Variants in PRDM1 observed in about 807,000 individuals in gnomAD.
The protein encoded by PRDM1 is PR/SET domain 1.
PRDM1 carries 13 observed loss-of-function variants against 62.8 expected under a neutral mutation model. That is an observed-to-expected ratio of 0.21 (90% confidence interval 0.13 to 0.33). The LOEUF is 0.33. Ranked by LOEUF, PRDM1 falls within the 10% of genes least tolerant of loss-of-function variation. The pLI is 1.00. For missense variants in PRDM1, 895 were observed against 1,058.8 expected (o/e 0.85, Z 2.15); for synonymous variants, 396 against 417.6 (o/e 0.95, Z 0.63).
chr6:106,041,893 C>A (rs1319416776), intron 1 of PRDM1, among the ~76,000 whole-genome samples: 1 of 150,728 alleles, frequency 6.6e-6, no homozygotes, highest in Non-Finnish European at 1.5e-5. Flanking sequence ...CTGCATCCTC[C>A]ACCTCCTGGG....
rs548379828 is a variant in PRDM1, at chr6:106,041,191, C to T, written c.-66-47010C>T. 2.0e-5 allele frequency among the ~76,000 whole-genome samples: 3 copies of T among 149,884 alleles called. No homozygotes were observed. In the South Asian group the frequency reaches 6.4e-4, roughly 32 times the overall value. On this transcript the variant is annotated intron_variant, in intron 1 of 6. Coordinates refer to the PRDM1 transcript ENST00000652320. The stretch of plus-strand genomic sequence containing the variant: ...TGAGCTGGCATTACTATTAATATTA[C>T]TGTATGTCTCTCTGTTACTTTTCAT...
At chr6:106,031,995 A>G (rs987235540) in intron 1 of PRDM1, among the ~76,000 whole-genome samples, 1 of 152,042 alleles carries the variant, frequency 6.6e-6, no homozygotes, top group African/African-American at 2.4e-5. Context: ...TTCCTGAGGC[A>G]TTTTCTCTGC....
chr6:106,052,396 G>A (rs1773191034), intron 1 of PRDM1, among the ~76,000 whole-genome samples: 1 of 151,922 alleles, frequency 6.6e-6, no homozygotes, highest in Non-Finnish European at 1.5e-5. Context: ...TTAAAGGTAT[G>A]GTCGTCTTGA....
At chr6:106,060,910 C>T (rs1333009370) in intron 1 of PRDM1, among the ~76,000 whole-genome samples, 3 of 152,006 alleles carry the variant, frequency 2.0e-5, no homozygotes, top group Non-Finnish European at 4.4e-5. Flanking sequence ...AGTCTTCCGT[C>T]ATCAAGGGGG....
intron 1 of PRDM1, among the ~76,000 whole-genome samples, chr6:106,027,166 T>A (rs1381548265): frequency 6.6e-6 from 1 of 152,256 alleles, no homozygotes; most frequent in African/African-American, 2.4e-5. Flanking sequence ...ATTCCTACTT[T>A]GTTTAAAATT....
At chr6:106,011,585 G>A (rs1772549301) in intron 1 of PRDM1, among the ~76,000 whole-genome samples, 7 of 152,026 alleles carry the variant, frequency 4.6e-5, no homozygotes, top group Admixed American at 4.6e-4. Context: ...CCAGACAAGT[G>A]GGTGAGAACC....
intron 1 of PRDM1, among the ~76,000 whole-genome samples, chr6:106,010,115 C>T (rs149773635): frequency 3.9e-4 from 60 of 152,274 alleles, no homozygotes; most frequent in African/African-American, 1.4e-3. Context: ...GCCCAGTTCC[C>T]CTCTCTGCAG....
chr6:106,069,099 C>T (rs1773474979), intron 1 of PRDM1, among the ~76,000 whole-genome samples: 1 of 152,116 alleles, frequency 6.6e-6, no homozygotes, highest in Admixed American at 6.6e-5. Context: ...TTTGCCTCTC[C>T]TGTAAAATAA....
At chr6:106,041,941 C>T (rs1307952038) in intron 1 of PRDM1, among the ~76,000 whole-genome samples, 1 of 150,574 alleles carries the variant, frequency 6.6e-6, no homozygotes, top group Non-Finnish European at 1.5e-5. Flanking sequence ...CCAGGTAGCT[C>T]AGACCACAGG....
intron 1 of PRDM1, among the ~76,000 whole-genome samples, chr6:106,038,680 G>A (rs539937392): frequency 6.6e-6 from 1 of 152,294 alleles, no homozygotes; most frequent in East Asian, 1.9e-4. Flanking sequence ...AATCGTTGGA[G>A]GATAGAGTCC....
Position 106,105,136 on chromosome 6 carries a change from C to T in PRDM1, c.976C>T (p.Arg326Cys), listed in dbSNP as rs955184509. 4 of 1,613,242 alleles carry T rather than the reference C, an allele frequency of 2.5e-6. No individual in the cohort carries two copies. In the African/African-American group the frequency reaches 5.3e-5, roughly 22 times the overall value. ...YGIERPTYIT[R>C]SPIPSSTTPS... ...GATCGAGAGACCCACGTACATCACTCGCTCCCCCATTCCATCCTCCACCAC... is the reference window on the plus strand; with the variant it reads ...GATCGAGAGACCCACGTACATCACTTGCTCCCCCATTCCATCCTCCACCAC... The change falls in exon 5 of 7, where the codon CGC becomes TGC. Residue 326 changes from arginine to cysteine, a missense_variant. Physicochemically the swap from Arg to Cys is radical, Grantham distance 180. This residue lies in a region of PRDM1 where 444 missense variants were observed against 422.7 expected (regional missense o/e 1.05). Transcript: ENST00000369096.
In PRDM1 at chr6:106,099,384, C is replaced by G; in HGVS notation, c.496C>G (p.His166Asp). The G allele has an allele frequency of 6.2e-7, 1 of 1,614,188 alleles. No homozygotes were observed. Among genetic ancestry groups the G allele is most frequent in the Non-Finnish European group, 8.5e-7 (1 of 1,180,036 alleles). The part of the protein sequence containing the change: ...SNWMRYVNPA[H>D]SPREQNLAAC... ...CTGGATGCGCTATGTGAATCCAGCA[C>G]ACTCTCCCCGGGAGCAAAACCTGGC... Residue 166 changes from histidine to aspartate, a missense_variant, in exon 4 of 7, where the codon CAC (histidine) becomes GAC (aspartate). Transcript: ENST00000369096.
intron 4 of PRDM1, 95 bp downstream of exon 4, chr6:106,099,647 T>C: frequency 6.6e-7 from 1 of 1,504,094 alleles, no homozygotes; most frequent in African/African-American, 1.4e-5. Context: ...TACGGCTTTG[T>C]CATGTGTTGG....
At chr6:106,092,219 C>T (rs985440672) in intron 2 of PRDM1, among the ~76,000 whole-genome samples, 1 of 150,482 alleles carries the variant, frequency 6.6e-6, no homozygotes, top group African/African-American at 2.4e-5. Flanking sequence ...GCTGTCAAAT[C>T]TCCTTCATTG....
chr6:106,076,444 C>T (rs1437929916), intron 1 of PRDM1, among the ~76,000 whole-genome samples: 1 of 151,934 alleles, frequency 6.6e-6, no homozygotes, highest in African/African-American at 2.4e-5. Context: ...GTGGAGAAGG[C>T]TTTTGGGGAA....
chr6:106,023,013 C>A (rs1286376957), intron 1 of PRDM1, among the ~76,000 whole-genome samples: 1 of 152,190 alleles, frequency 6.6e-6, no homozygotes, highest in East Asian at 1.9e-4. Flanking sequence ...GTTCTGAGCT[C>A]CCATTCCTTT....
Position 106,107,702 on chromosome 6 carries a change from G to C in PRDM1, c.*216G>C. ...CATATATATATATATATATATATCT[G>C]TATACATATTATATATACTTATTTA... On this transcript the variant is annotated 3_prime_UTR_variant, in exon 7 of 7. Transcript: ENST00000369096. The C allele has an allele frequency of 6.9e-6, 1 of 144,828 alleles. No individual in the cohort carries two copies. Among genetic ancestry groups the C allele is most frequent in the Non-Finnish European group, 1.3e-5 (1 of 75,542 alleles). 9.0% of individuals were successfully genotyped at this position (144,828 alleles called of 1,614,324 possible).
In PRDM1 at chr6:106,105,129, C is replaced by T. The variant is rs1458908900; in HGVS notation, c.969C>T (p.Tyr323=). The change falls in exon 5 of 7, where the codon TAC becomes TAT. Residue 323 remains tyrosine (Y), a synonymous_variant. Coordinates refer to ENST00000369096, the MANE Select transcript of PRDM1 (RefSeq NM_001198.4). ...SLAYGIERPT[Y]ITRSPIPSST... is the part of the protein sequence containing the mutation. ...CCTACGGGATCGAGAGACCCACGTA[C>T]ATCACTCGCTCCCCCATTCCATCCT... is the stretch of plus-strand genomic sequence containing the variant. 6.2e-7 allele frequency: 1 copy of T among 1,613,676 alleles called. No homozygotes were observed. Among genetic ancestry groups the T allele is most frequent in the South Asian group, 1.1e-5 (1 of 91,052 alleles).
chr6:106,065,867 G>C (rs1157747655), intron 1 of PRDM1, among the ~76,000 whole-genome samples: 1 of 152,162 alleles, frequency 6.6e-6, no homozygotes, highest in Non-Finnish European at 1.5e-5. Context: ...TTGTCCTGCT[G>C]TACTTGTCTC....
Sources: gnomAD v4.1 joint callset for allele counts (sites outside exome capture counted in the v4.1 genomes callset) on GRCh38, gnomAD v4.1.1 for gene constraint, gnomAD v4.1.1 regional missense constraint, MANE v1.5 for transcripts, NCBI Gene and HGNC (gene_info 2026-07-23, HGNC 2026-07-21) for gene names.